RPS6KC1: variants seen among roughly 807,000 people sequenced by gnomAD.
The protein encoded by RPS6KC1 is inactive ribosomal protein S6 kinase delta-1.
Under a neutral mutation model 103.8 loss-of-function variants are expected in RPS6KC1, and 54 were observed. The ratio of observed to expected loss-of-function variants is 0.52; its 90% CI spans 0.42 to 0.65. The LOEUF (loss-of-function observed/expected upper bound fraction) is 0.65, where lower values mean the gene tolerates loss of function less well. Ranked by LOEUF, RPS6KC1 falls within the 30% of genes least tolerant of loss-of-function variation. RPS6KC1 has a pLI of 0.00. For synonymous variants in RPS6KC1, 439 were observed against 438.7 expected, an observed-to-expected ratio of 1.00 and a Z score of -0.01; for missense variants, 1,151 against 1,253.8, an observed-to-expected ratio of 0.92 and a Z score of 1.24.
chr1:213,276,868 C>T (rs933448006), downstream of RPS6KC1, among the ~76,000 whole-genome samples: 1 of 152,184 alleles, frequency 6.6e-6, no homozygotes, highest in African/African-American at 2.4e-5. Flanking sequence ...ACCACACCTA[C>T]GTTTGCCTGT....
chr1:213,140,068 A>G (rs1343613741), intron 6 of RPS6KC1, among the ~76,000 whole-genome samples: 6 of 152,008 alleles, frequency 3.9e-5, no homozygotes. Flanking sequence ...CTCCCTGGTT[A>G]GCTGTATTCC....
chr1:213,843,785 A>AT, the RPS6KC1 span, among the ~76,000 whole-genome samples: 2 of 152,056 alleles, frequency 1.3e-5, no homozygotes, highest in South Asian at 4.1e-4. Context: ...GAGAAAGATG[A>AT]TTTTCTTTCC....
At chr1:213,343,579 A>G in the RPS6KC1 span, among the ~76,000 whole-genome samples, 2 of 151,476 alleles carry the variant, frequency 1.3e-5, no homozygotes, top group African/African-American at 4.9e-5. Flanking sequence ...TCTCACTCAT[A>G]AGTGAGAGCT....
chr1:213,187,690 G>A (rs951333947), intron 8 of RPS6KC1, among the ~76,000 whole-genome samples: 2 of 151,470 alleles, frequency 1.3e-5, no homozygotes, highest in Admixed American at 6.6e-5. Context: ...ATCAGTTGCC[G>A]GATTTTTGTT....
chr1:213,480,750 T>TTA, the RPS6KC1 span, among the ~76,000 whole-genome samples: 4 of 152,142 alleles, frequency 2.6e-5, no homozygotes, highest in African/African-American at 9.6e-5. Flanking sequence ...CTATTCCATA[T>TTA]TATACAGTAA....
chr1:213,806,669 G>A, the RPS6KC1 span, among the ~76,000 whole-genome samples: 2 of 149,284 alleles, frequency 1.3e-5, no homozygotes, highest in Non-Finnish European at 3.0e-5. Flanking sequence ...GAGCCTATGT[G>A]TGTCTCTGCA....
the RPS6KC1 span, among the ~76,000 whole-genome samples, chr1:213,517,063 C>A: frequency 6.6e-6 from 1 of 152,078 alleles, no homozygotes; most frequent in African/African-American, 2.4e-5. Flanking sequence ...TCTGTGGGAT[C>A]GGTGGTGATA....
chr1:213,383,202 G>A, the RPS6KC1 span, among the ~76,000 whole-genome samples: 3,543 of 152,294 alleles, frequency 0.023, 65 homozygotes, highest in Non-Finnish European at 0.034. Context: ...CCTGAATGGG[G>A]ACCAGGTCTA....
the RPS6KC1 span, among the ~76,000 whole-genome samples, chr1:213,395,066 C>T: frequency 6.6e-6 from 1 of 152,198 alleles, no homozygotes; most frequent in East Asian, 1.9e-4. Flanking sequence ...GCTTCCCACA[C>T]CTGCTCTTGC....
At chr1:213,434,940 T>A in the RPS6KC1 span, among the ~76,000 whole-genome samples, 21,911 of 152,174 alleles carry the variant, frequency 0.14, 1,996 homozygotes, top group East Asian at 0.25. Context: ...AATTTGGAAA[T>A]TTTTCAACCA....
the RPS6KC1 span, among the ~76,000 whole-genome samples, chr1:213,559,311 G>A: frequency 4.6e-5 from 7 of 152,152 alleles, no homozygotes. Context: ...AGCTTATAGA[G>A]CCCTTTGGAA....
intron 8 of RPS6KC1, among the ~76,000 whole-genome samples, chr1:213,204,569 G>C (rs1410269104): frequency 8.0e-5 from 12 of 149,660 alleles, no homozygotes. Flanking sequence ...GTGCTGTAAG[G>C]AAAACATTTT....
the RPS6KC1 span, among the ~76,000 whole-genome samples, chr1:213,527,960 GTGAAAGTGA>G: frequency 3.3e-5 from 5 of 152,160 alleles, no homozygotes; most frequent in African/African-American, 1.2e-4. Context: ...TATTTATTAA[GTGAAAGTGA>G]TTCATCATAA....
chr1:213,260,740 T>TA (rs1310949947), intron 12 of RPS6KC1, among the ~76,000 whole-genome samples: 1 of 127,962 alleles, frequency 7.8e-6, no homozygotes, highest in African/African-American at 3.2e-5. Context: ...CAAGATAATG[T>TA]AAGGGCTAAA....
chr1:213,566,262 T>G, the RPS6KC1 span, among the ~76,000 whole-genome samples: 10 of 152,074 alleles, frequency 6.6e-5, no homozygotes, highest in Non-Finnish European at 1.5e-4. Context: ...GTTGTCAGTC[T>G]AATAATTATT....
chr1:213,051,895 A>C (rs1304222285), intron 1 of RPS6KC1, among the ~76,000 whole-genome samples: 2 of 152,186 alleles, frequency 1.3e-5, no homozygotes, highest in Non-Finnish European at 2.9e-5. Context: ...TGTTTGGCTT[A>C]TGTAATATAA....
chr1:213,300,040 C>G, the RPS6KC1 span, among the ~76,000 whole-genome samples: 1 of 152,128 alleles, frequency 6.6e-6, no homozygotes, highest in Non-Finnish European at 1.5e-5. Flanking sequence ...CTCCTGACCT[C>G]ATGATCTGCC....
At chr1:213,377,666 T>C in the RPS6KC1 span, among the ~76,000 whole-genome samples, 2 of 152,238 alleles carry the variant, frequency 1.3e-5, no homozygotes, top group African/African-American at 4.8e-5. Flanking sequence ...TTTCTCAAGC[T>C]GGAGCTGTAT....
At chr1:213,535,794 C>T in the RPS6KC1 span, among the ~76,000 whole-genome samples, 1 of 152,166 alleles carries the variant, frequency 6.6e-6, no homozygotes, top group East Asian at 1.9e-4. Context: ...CTTCCTGTGG[C>T]TCTCTTTTAG....
Sources: allele counts gnomAD v4.1 joint callset (sites outside exome capture counted in the v4.1 genomes callset), GRCh38; gene constraint gnomAD v4.1.1; transcripts MANE v1.5; gene names NCBI Gene and HGNC (gene_info 2026-07-23, HGNC 2026-07-21).